Variants in SLC7A9 observed in about 807,000 individuals in gnomAD.
SLC7A9 encodes the protein B(0,+)-type amino acid transporter 1.
SLC7A9 carries 38 observed loss-of-function variants against 54.1 expected under a neutral mutation model. That is an observed-to-expected ratio of 0.70 (90% confidence interval 0.54 to 0.92). SLC7A9 has a LOEUF of 0.92. Ranked by LOEUF, SLC7A9 falls within the 40% of genes least tolerant of loss-of-function variation. The pLI, the probability that SLC7A9 is intolerant of heterozygous loss-of-function variation, is 0.00. For missense variants in SLC7A9, 537 were observed against 636.1 expected (o/e 0.84, Z 1.68); for synonymous variants, 264 against 258.9 (o/e 1.02, Z -0.19).
chr19:32,860,336 C>A, intron 7 of SLC7A9: 1 of 1,379,166 alleles, frequency 7.3e-7, no homozygotes, highest in South Asian at 1.5e-5. Flanking sequence ...ATGGGCGAAT[C>A]TCTTGAGGTT....
At chr19:32,853,046 T>C (rs978911610) in intron 9 of SLC7A9, among the ~76,000 whole-genome samples, 8 of 151,602 alleles carry the variant, frequency 5.3e-5, no homozygotes, top group African/African-American at 1.9e-4. Flanking sequence ...CCTGAGTAGC[T>C]GGGATTATAG....
chr19:32,852,210 G>A (rs987032047), intron 9 of SLC7A9, among the ~76,000 whole-genome samples: 17 of 151,958 alleles, frequency 1.1e-4, no homozygotes, highest in Non-Finnish European at 2.4e-4. Context: ...TTGATATCAG[G>A]CCAGCCACTG....
At chr19:32,834,680 A>C (rs567391527) in intron 11 of SLC7A9, among the ~76,000 whole-genome samples, 28 of 152,286 alleles carry the variant, frequency 1.8e-4, no homozygotes, top group Admixed American at 3.9e-4. Context: ...TCCTTTTTCA[A>C]GGACAGAGAT....
In SLC7A9 at chr19:32,864,230, G is replaced by A. The variant is rs778250690; in HGVS notation, c.344C>T (p.Ala115Val). ...CGTGGGCTTAATGACGATCAGGCTG[G>A]CCCAGGAGAAGAGGTAGGCGGGGAT... ...GPIPAYLFSW[A>V]SLIVIKPTSF... is the part of the protein sequence containing the mutation. Residue 115 changes from alanine (A) to valine (V), a missense_variant, in exon 4 of 13, where the codon GCC (alanine) becomes GTC (valine). Physicochemically the swap from Ala to Val is moderately conservative, Grantham distance 64. Coordinates refer to ENST00000023064, the MANE Select transcript of SLC7A9 (RefSeq NM_014270.5). 3 of 1,614,222 alleles carry A rather than the reference G, an allele frequency of 1.9e-6. No homozygotes were observed. Among genetic ancestry groups the A allele is most frequent in the Non-Finnish European group, 2.5e-6 (3 of 1,180,026 alleles).
intron 11 of SLC7A9, among the ~76,000 whole-genome samples, chr19:32,835,804 T>C (rs1337997053): frequency 6.6e-6 from 1 of 152,172 alleles, no homozygotes; most frequent in East Asian, 1.9e-4. Flanking sequence ...TTTAATGTAA[T>C]GGAGCTTCCT....
At chr19:32,864,895 G>T (rs1004237346) in intron 2 of SLC7A9, 119 bp from the exon 3 acceptor site, 2 of 1,343,494 alleles carry the variant, frequency 1.5e-6, no homozygotes, top group Admixed American at 1.7e-5. Context: ...TGTCCCAGGC[G>T]CTTCCACCCT....
At chr19:32,857,927 A>G (rs1165957486) in intron 9 of SLC7A9, among the ~76,000 whole-genome samples, 1 of 152,244 alleles carries the variant, frequency 6.6e-6, no homozygotes, top group Non-Finnish European at 1.5e-5. Context: ...AGGTTTATGC[A>G]GCCTGCGAGC....
intron 11 of SLC7A9, among the ~76,000 whole-genome samples, chr19:32,837,050 A>G (rs1422250744): frequency 4.0e-5 from 6 of 149,554 alleles, no homozygotes; most frequent in Non-Finnish European, 9.0e-5. Flanking sequence ...TATTCATATA[A>G]TGATAAGTCT....
intron 9 of SLC7A9, among the ~76,000 whole-genome samples, chr19:32,846,413 C>T (rs1968296954): frequency 6.6e-6 from 1 of 152,242 alleles, no homozygotes; most frequent in African/African-American, 2.4e-5. Flanking sequence ...CAGAGTCTCA[C>T]TGATGGCTAG....
chr19:32,838,770 T>C (rs1968043253), intron 11 of SLC7A9, among the ~76,000 whole-genome samples: 1 of 148,338 alleles, frequency 6.7e-6, no homozygotes. Context: ...TATATACATA[T>C]ATGCACATAT....
intron 9 of SLC7A9, among the ~76,000 whole-genome samples, chr19:32,857,832 C>G (rs983051592): frequency 1.3e-5 from 2 of 152,110 alleles, no homozygotes; most frequent in African/African-American, 2.4e-5. Flanking sequence ...CAAACCACAG[C>G]TGTTTGGGCA....
In SLC7A9 at chr19:32,864,334, G is replaced by A. The variant is rs1968897763; in HGVS notation, c.240C>T (p.Ala80=). The stretch of plus-strand genomic sequence containing the variant: ...TTGTGCCAAGCTCCGCAAAGCACAG[G>A]GCACCTGGAACACAGAGAGGAAGGG... ...AACGVLATLG[A]LCFAELGTMI... is the part of the protein sequence containing the mutation. Residue 80 remains alanine, a synonymous_variant, in exon 4 of 13, where the codon GCC becomes GCT. Coordinates refer to ENST00000023064, the MANE Select transcript of SLC7A9 (RefSeq NM_014270.5). 1 of 1,613,810 alleles carries A rather than the reference G, an allele frequency of 6.2e-7. No individual in the cohort carries two copies. The highest frequency in any genetic ancestry group is 1.3e-5 in the African/African-American group (1 of 74,926).
chr19:32,854,097 C>T (rs547836537), intron 9 of SLC7A9, among the ~76,000 whole-genome samples: 9 of 151,372 alleles, frequency 5.9e-5, no homozygotes, highest in Admixed American at 1.3e-4. Context: ...ACTGCAGCCT[C>T]GACCTCCTGG....
At chr19:32,849,334 A>G (rs1338116805) in intron 9 of SLC7A9, among the ~76,000 whole-genome samples, 1 of 152,202 alleles carries the variant, frequency 6.6e-6, no homozygotes, top group Non-Finnish European at 1.5e-5. Flanking sequence ...CACAATAAAA[A>G]ATGATAAAGG....
chr19:32,858,488 G>C lies in SLC7A9; in HGVS notation c.929C>G (p.Ala310Gly), dbSNP rs1410840873. 1 of 1,613,636 alleles carries C rather than the reference G, an allele frequency of 6.2e-7. No individual in the cohort carries two copies. The highest frequency in any genetic ancestry group is 1.7e-5 in the Admixed American group (1 of 60,006). The change falls in exon 9 of 13, where the codon GCA (alanine) becomes GGA (glycine). Residue 310 changes from alanine to glycine, a missense_variant. Ala to Gly is a moderately conservative substitution (Grantham distance 60, BLOSUM62 0). Coordinates refer to ENST00000023064, the MANE Select transcript of SLC7A9 (RefSeq NM_014270.5). ...PASWIVPLFVAFSTIGAANGT... is the reference protein window; with the variant it reads ...PASWIVPLFVGFSTIGAANGT... ...GTTAGCAGCACCGATGGTTGAAAAT[G>C]CCACAAAAAGTGGAACGATCCAAGA... is the stretch of plus-strand genomic sequence containing the variant.
chr19:32,856,195 G>GTT (rs199589539), intron 9 of SLC7A9, among the ~76,000 whole-genome samples: 90 of 142,570 alleles, frequency 6.3e-4, no homozygotes, highest in South Asian at 1.6e-3. Flanking sequence ...ATAGCTAGTG[G>GTT]TTTTTTTTTT....
intron 11 of SLC7A9, among the ~76,000 whole-genome samples, chr19:32,840,317 C>T (rs1018269522): frequency 6.6e-6 from 1 of 152,076 alleles, no homozygotes; most frequent in Non-Finnish European, 1.5e-5. Context: ...GGACTATAGG[C>T]GTGCACCACC....
At chr19:32,858,768 CTTTATTTATTTA>C (rs71176160) in intron 8 of SLC7A9, among the ~76,000 whole-genome samples, 6 of 148,634 alleles carry the variant, frequency 4.0e-5, no homozygotes, top group South Asian at 2.1e-4. Context: ...TGGCATAAAT[CTTTATTTATTTA>C]TTTATTTATT....
chr19:32,836,568 C>T lies in SLC7A9; in HGVS notation c.1225-3245G>A, dbSNP rs115801423. Among the ~76,000 whole-genome samples, 886 of 152,244 alleles carry T rather than the reference C, an allele frequency of 5.8e-3. 7 individuals carry two copies. The highest frequency in any genetic ancestry group is 0.019 in the African/African-American group (791 of 41,544). On this transcript the variant is annotated intron_variant, in intron 11 of 12. Coordinates refer to ENST00000023064, the MANE Select transcript of SLC7A9 (RefSeq NM_014270.5). ...GTTTTCAGACAGGTCCCATTTGCAA[C>T]TGAAAAAGGTATACTCGCTGTTGCT...
Sources: allele counts gnomAD v4.1 joint callset (sites outside exome capture counted in the v4.1 genomes callset), GRCh38; gene constraint gnomAD v4.1.1; transcripts MANE v1.5; gene names NCBI Gene and HGNC (gene_info 2026-07-23, HGNC 2026-07-21).